Variants in PRDM16 observed in about 807,000 individuals in gnomAD.
The protein encoded by PRDM16 is histone-lysine N-methyltransferase PRDM16.
In PRDM16, 23 loss-of-function variants were observed where a neutral mutation model predicts 110.6. That is an observed-to-expected ratio of 0.21 (90% CI 0.15 to 0.29). The LOEUF is 0.29. Ranked by LOEUF, PRDM16 falls within the 10% of genes least tolerant of loss-of-function variation. PRDM16 has a pLI of 1.00. For synonymous variants in PRDM16, 799 were observed against 781.8 expected (o/e 1.02, Z -0.37); for missense variants, 1,615 against 1,794.3 (o/e 0.90, Z 1.81).
At chr1:3,232,839 C>A (rs964144679) in intron 2 of PRDM16, among the ~76,000 whole-genome samples, 4 of 152,158 alleles carry the variant, frequency 2.6e-5, no homozygotes, top group Admixed American at 1.3e-4. Flanking sequence ...AGGTCAGATT[C>A]TCCCACCCAG....
intron 2 of PRDM16, among the ~76,000 whole-genome samples, chr1:3,193,804 G>A (rs1638380796): frequency 6.6e-6 from 1 of 152,228 alleles, no homozygotes. Flanking sequence ...GGGTGCCTGA[G>A]ACCTGAGGGC....
At chr1:3,345,725 C>T (rs1192546104) in intron 3 of PRDM16, among the ~76,000 whole-genome samples, 2 of 151,380 alleles carry the variant, frequency 1.3e-5, no homozygotes, top group African/African-American at 2.4e-5. Context: ...CTCGGGTCCT[C>T]CCGTGCTGCC....
chr1:3,285,239 T>C (rs1398493689), intron 3 of PRDM16, among the ~76,000 whole-genome samples: 1 of 152,182 alleles, frequency 6.6e-6, no homozygotes, highest in Admixed American at 6.5e-5. Flanking sequence ...ACCCCAGCCC[T>C]CTGGCCCCAG....
chr1:3,079,346 T>C (rs1320776039), intron 1 of PRDM16, among the ~76,000 whole-genome samples: 3 of 152,052 alleles, frequency 2.0e-5, no homozygotes, highest in Non-Finnish European at 2.9e-5. Flanking sequence ...CCCCTGTGTG[T>C]GCACAGGGCT....
chr1:3,266,637 G>A (rs1351961399), intron 3 of PRDM16, among the ~76,000 whole-genome samples: 2 of 152,184 alleles, frequency 1.3e-5, no homozygotes, highest in Non-Finnish European at 2.9e-5. Context: ...CCGCTCCCAC[G>A]CTCCAGCAGA....
chr1:3,350,799 T>G lies in PRDM16; in HGVS notation c.439-34353T>G, dbSNP rs1642466558. Among the ~76,000 whole-genome samples the G allele has an allele frequency of 6.6e-6, 1 of 152,134 alleles. No homozygotes were observed. Among genetic ancestry groups the G allele is most frequent in the African/African-American group, 2.4e-5 (1 of 41,446 alleles). On this transcript the variant is annotated intron_variant, in intron 3 of 16. Coordinates refer to ENST00000270722, the MANE Select transcript of PRDM16 (RefSeq NM_022114.4). This position sits in a 1 kb window ranked among gnomAD's most constrained non-coding sequence, Gnocchi z 7.1. ...GCCGCGTCCAGTGTTTTCCTCTTTC[T>G]GGGCCTCAAACTCTTTTTTGAGGCC...
At chr1:3,371,628 C>A (rs891246426) in intron 3 of PRDM16, among the ~76,000 whole-genome samples, 7 of 152,218 alleles carry the variant, frequency 4.6e-5, no homozygotes, top group African/African-American at 1.7e-4. Context: ...TTCAGTGAGC[C>A]CTGACTGAAC....
At chr1:3,074,304 G>A (rs1641840296) in intron 1 of PRDM16, among the ~76,000 whole-genome samples, 1 of 152,166 alleles carries the variant, frequency 6.6e-6, no homozygotes, top group African/African-American at 2.4e-5. Context: ...ACAGCAGATT[G>A]AGGCTCCAGT....
rs553866481 is a variant in PRDM16 at position 3,188,494 on chromosome 1, C to T, written c.387+2020C>T. 9.2e-5 allele frequency among the ~76,000 whole-genome samples: 14 copies of T among 152,310 alleles called. No homozygotes were observed. In the South Asian group the frequency reaches 2.1e-3, roughly 23 times the overall value. ...TGTGTTTATCCCGGGTGTGTGTGTA[C>T]GTGAGGGAACGCGCTCTCCTCACGG... On this transcript the variant is annotated intron_variant, in intron 2 of 16. Coordinates refer to ENST00000270722, the MANE Select transcript of PRDM16 (RefSeq NM_022114.4).
chr1:3,437,757 A>G lies in PRDM16; in HGVS notation c.*3946A>G. 1 of 217,712 alleles carries G rather than the reference A, an allele frequency of 4.6e-6. No homozygotes were observed. Among genetic ancestry groups the G allele is most frequent in the Non-Finnish European group, 9.2e-6 (1 of 108,316 alleles). The allele number at this position is 217,712 out of a possible 1,614,324, so 13.5% of individuals were successfully genotyped here. A position where few individuals can be genotyped will look rare whatever the true frequency, so the allele number is the denominator to read the frequency against. On this transcript the variant is annotated 3_prime_UTR_variant, in exon 17 of 17. Transcript: ENST00000270722. ...CGTATTACCACTTTTGGAAAAAAAT[A>G]AATAAATAAATAAATAAAAGGCAGC...
intron 4 of PRDM16, 99 bp from the exon 5 acceptor site, chr1:3,396,392 C>G: frequency 1.3e-6 from 1 of 749,190 alleles, no homozygotes; most frequent in Non-Finnish European, 2.4e-6. Flanking sequence ...AAGTGCAGGC[C>G]GAGCTGCGTC....
At chr1:3,185,162 T>C (rs1644253233) in intron 1 of PRDM16, among the ~76,000 whole-genome samples, 1 of 152,154 alleles carries the variant, frequency 6.6e-6, no homozygotes, top group African/African-American at 2.4e-5. Flanking sequence ...AGACTCCTCC[T>C]CGCCCTGCCC....
In PRDM16 at chr1:3,181,483, CACACAGCCTTACGCAT is replaced by C. The variant is rs1557509317; in HGVS notation, c.38-4641_38-4626del. 8.2e-5 allele frequency among the ~76,000 whole-genome samples: 6 copies of C among 72,890 alleles called. 2 individuals carry two copies. The highest frequency in any genetic ancestry group is 2.9e-4 in the Admixed American group (2 of 6,904). The allele number at this position is 72,890 out of a possible 152,430, so 47.8% of individuals were successfully genotyped here. ...ACACGGTCTTACACACGCAGTCTTACACACAGCCTTACGCATGGTCTTACACACGCAGTCTTACACA... is the reference window on the plus strand; with the variant it reads ...ACACGGTCTTACACACGCAGTCTTACGGTCTTACACACGCAGTCTTACACA... On this transcript the variant is annotated intron_variant, in intron 1 of 16. Transcript: ENST00000270722.
intron 1 of PRDM16, among the ~76,000 whole-genome samples, chr1:3,183,587 A>T (rs1644234558): frequency 6.6e-6 from 1 of 152,136 alleles, no homozygotes; most frequent in African/African-American, 2.4e-5. Flanking sequence ...ACCGCCGGGG[A>T]AGGGAGGCCG....
chr1:3,079,049 C>T (rs572556611), intron 1 of PRDM16, among the ~76,000 whole-genome samples: 106 of 152,362 alleles, frequency 7.0e-4, no homozygotes, highest in African/African-American at 2.3e-3. Context: ...GCGGTCCTCC[C>T]CGGGCAAACA....
intron 1 of PRDM16, among the ~76,000 whole-genome samples, chr1:3,129,934 C>A (rs1298538455): frequency 6.6e-6 from 1 of 152,164 alleles, no homozygotes; most frequent in Admixed American, 6.5e-5. Flanking sequence ...CCAGCAGGGT[C>A]TCAGCCATTT....
intron 3 of PRDM16, among the ~76,000 whole-genome samples, chr1:3,247,379 A>G (rs1639811480): frequency 6.6e-6 from 1 of 152,246 alleles, no homozygotes; most frequent in African/African-American, 2.4e-5. Flanking sequence ...GGCTGGATGC[A>G]GGATGACTCT....
chr1:3,365,051 G>T (rs1212542747), intron 3 of PRDM16, among the ~76,000 whole-genome samples: 1 of 152,214 alleles, frequency 6.6e-6, no homozygotes, highest in Non-Finnish European at 1.5e-5. Flanking sequence ...GGAGAAAATA[G>T]GTTTCTCTGA....
At chr1:3,123,440 G>C (rs2742671) in intron 1 of PRDM16, among the ~76,000 whole-genome samples, 22,375 of 152,270 alleles carry the variant, frequency 0.15, 1,824 homozygotes, top group African/African-American at 0.2. Context: ...GGTGAAGGGT[G>C]TCTGCCAGCA....
Sources: gnomAD v4.1 joint callset for allele counts (sites outside exome capture counted in the v4.1 genomes callset) on GRCh38, gnomAD v4.1.1 for gene constraint, Gnocchi (gnomAD v3.1) non-coding constraint, MANE v1.5 for transcripts, NCBI Gene and HGNC (gene_info 2026-07-23, HGNC 2026-07-21) for gene names.